ADGRB3: variants seen among roughly 807,000 people sequenced by gnomAD.
ADGRB3 encodes adhesion G protein-coupled receptor B3.
Under a neutral mutation model 193.4 loss-of-function variants are expected in ADGRB3, and 37 were observed. The observed-to-expected ratio is 0.19, with a 90% CI of 0.15 to 0.25. The LOEUF (loss-of-function observed/expected upper bound fraction) is 0.25. ADGRB3 is among the 10% of genes least tolerant of loss of function. The pLI is 1.00. For synonymous variants in ADGRB3, 690 were observed against 644.2 expected (o/e 1.07, Z -1.08); for missense variants, 1,637 against 1,852.9 (o/e 0.88, Z 2.14).
At chr6:69,336,497 T>G (rs1768851101) in intron 24 of ADGRB3, among the ~76,000 whole-genome samples, 1 of 151,992 alleles carries the variant, frequency 6.6e-6, no homozygotes, top group African/African-American at 2.4e-5. Context: ...ACTTTTTTTC[T>G]TTAAAGAAAA....
At chr6:68,669,986 T>C (rs1157289012) in intron 3 of ADGRB3, among the ~76,000 whole-genome samples, 1 of 152,048 alleles carries the variant, frequency 6.6e-6, no homozygotes, top group Non-Finnish European at 1.5e-5. Flanking sequence ...TTATATCTCA[T>C]TGTAGTTTTG....
intron 20 of ADGRB3, among the ~76,000 whole-genome samples, chr6:69,283,252 G>A (rs539113218): frequency 6.6e-6 from 1 of 152,276 alleles, no homozygotes; most frequent in African/African-American, 2.4e-5. Flanking sequence ...ATTAGAAAAT[G>A]CTTTGGGGAA....
At chr6:68,975,200 T>C in intron 9 of ADGRB3, 34 bp from the exon 10 acceptor site, 1 of 1,567,556 alleles carries the variant, frequency 6.4e-7, no homozygotes, top group Non-Finnish European at 8.8e-7. Flanking sequence ...ACATCCCTAT[T>C]ATAAAGCTTC....
rs12524837 is a variant in ADGRB3, at chr6:68,878,724, A to C, written c.758-51835A>C. On this transcript the variant is annotated intron_variant, in intron 3 of 31. Coordinates refer to ENST00000370598, the MANE Select transcript of ADGRB3 (RefSeq NM_001704.3). ...ATCCCTCAAAATGGCATGTATGTCC[A>C]TTTTCACACTACTGATAAAAACATA... Among the ~76,000 whole-genome samples, 438 of 152,258 alleles carry C rather than the reference A, an allele frequency of 2.9e-3. 3 individuals carry two copies. The highest frequency in any genetic ancestry group is 9.0e-3 in the African/African-American group (375 of 41,540).
At chr6:69,025,694 C>CA (rs1770413522) in intron 13 of ADGRB3, among the ~76,000 whole-genome samples, 1 of 152,016 alleles carries the variant, frequency 6.6e-6, no homozygotes, top group Non-Finnish European at 1.5e-5. Flanking sequence ...AAAAATACAA[C>CA]AAAAAATATC....
chr6:69,274,392 G>A (rs946523965), intron 20 of ADGRB3, among the ~76,000 whole-genome samples: 6 of 151,410 alleles, frequency 4.0e-5, no homozygotes, highest in Admixed American at 2.0e-4. Context: ...CGGACAGCAC[G>A]TGGCAGATAA....
chr6:69,084,696 T>C (rs1394058689), intron 17 of ADGRB3, among the ~76,000 whole-genome samples: 1 of 152,180 alleles, frequency 6.6e-6, no homozygotes, highest in South Asian at 2.1e-4. Flanking sequence ...ATCAAATTTT[T>C]AATTAGTAAT....
intron 3 of ADGRB3, among the ~76,000 whole-genome samples, chr6:68,680,291 C>A (rs559291581): frequency 8.6e-5 from 13 of 151,214 alleles, no homozygotes; most frequent in Admixed American, 2.6e-4. Flanking sequence ...GAAAAAAAAA[C>A]CAATACATTA....
intron 3 of ADGRB3, among the ~76,000 whole-genome samples, chr6:68,906,198 G>C (rs73747850): frequency 6.6e-6 from 1 of 151,378 alleles, no homozygotes; most frequent in Non-Finnish European, 1.5e-5. Context: ...ATTATTAGTA[G>C]TTGTTCCTTA....
intron 6 of ADGRB3, among the ~76,000 whole-genome samples, chr6:68,954,622 A>G (rs1265892960): frequency 6.6e-6 from 1 of 151,722 alleles, no homozygotes; most frequent in Non-Finnish European, 1.5e-5. Flanking sequence ...TTTGTTCTCA[A>G]TCCTACACTA....
At chr6:68,803,896 T>C (rs1166089562) in intron 3 of ADGRB3, among the ~76,000 whole-genome samples, 1 of 152,220 alleles carries the variant, frequency 6.6e-6, no homozygotes, top group Non-Finnish European at 1.5e-5. Flanking sequence ...GGTATTTTTA[T>C]CTTCATTCTC....
At chr6:69,319,213 G>A in intron 20 of ADGRB3, among the ~76,000 whole-genome samples, 1 of 151,042 alleles carries the variant, frequency 6.6e-6, no homozygotes, top group East Asian at 1.9e-4. Context: ...GTTCTAAATA[G>A]TTTATAATTT....
At chr6:68,649,983 A>G (rs999244946) in intron 3 of ADGRB3, among the ~76,000 whole-genome samples, 1 of 152,108 alleles carries the variant, frequency 6.6e-6, no homozygotes, top group Non-Finnish European at 1.5e-5. Flanking sequence ...TTCCTTGCTT[A>G]CTCAAAGCAC....
rs1158184860 is a variant in ADGRB3, at chr6:68,799,627, A to G, written c.758-130932A>G. On this transcript the variant is annotated intron_variant, in intron 3 of 31. Coordinates refer to ENST00000370598, the MANE Select transcript of ADGRB3 (RefSeq NM_001704.3). ...TTCTATAAAGGAAATCAGATCAGAT[A>G]TAACAAGAACATATAATCTTAGGTG... Among the ~76,000 whole-genome samples, 7 of 152,334 alleles carry G rather than the reference A, an allele frequency of 4.6e-5. No homozygotes were observed. The East Asian group carries it at 9.6e-4, about 21-fold the overall frequency.
chr6:68,910,071 T>C (rs1766657721), intron 3 of ADGRB3, among the ~76,000 whole-genome samples: 1 of 152,110 alleles, frequency 6.6e-6, no homozygotes, highest in Non-Finnish European at 1.5e-5. Flanking sequence ...GCACCTGTTG[T>C]TTCCTGACTT....
At chr6:68,727,700 A>G (rs1460221553) in intron 3 of ADGRB3, among the ~76,000 whole-genome samples, 1 of 151,558 alleles carries the variant, frequency 6.6e-6, no homozygotes, top group Non-Finnish European at 1.5e-5. Flanking sequence ...AGGGCTTTTA[A>G]GATTTATCCT....
chr6:68,815,603 TTGTG>T (rs5877170), intron 3 of ADGRB3, among the ~76,000 whole-genome samples: 4,714 of 137,154 alleles, frequency 0.034, 180 homozygotes, highest in African/African-American at 0.087. Context: ...CCATCAAAAA[TTGTG>T]TGTGTGTGTG....
At chr6:69,036,265 C>T (rs979572789) in intron 13 of ADGRB3, among the ~76,000 whole-genome samples, 2 of 152,094 alleles carry the variant, frequency 1.3e-5, no homozygotes, top group African/African-American at 2.4e-5. Flanking sequence ...AGTTAACTGC[C>T]TCCAACTTAA....
intron 20 of ADGRB3, among the ~76,000 whole-genome samples, chr6:69,249,552 G>A (rs1268595322): frequency 6.6e-6 from 1 of 152,138 alleles, no homozygotes; most frequent in East Asian, 1.9e-4. Context: ...ACAGTCTTGG[G>A]CAGAGAAGTA....
Sources: gnomAD v4.1 joint callset for allele counts (sites outside exome capture counted in the v4.1 genomes callset) on GRCh38, gnomAD v4.1.1 for gene constraint, MANE v1.5 for transcripts, NCBI Gene and HGNC (gene_info 2026-07-23, HGNC 2026-07-21) for gene names.